Variants in SAMD4B observed in about 807,000 individuals in gnomAD.
SAMD4B encodes the protein sterile alpha motif domain containing 4B.
In SAMD4B, 5 loss-of-function variants were observed where a neutral mutation model predicts 74.5. The ratio of observed to expected loss-of-function variants is 0.07; its 90% CI spans 0.04 to 0.14. The LOEUF is 0.14. Among genes scored for constraint, SAMD4B ranks in the 10% least tolerant of loss-of-function variants. The pLI, the probability that SAMD4B is intolerant of heterozygous loss-of-function variation, is 1.00. For synonymous variants in SAMD4B, 373 were observed against 374.9 expected (o/e 1.00, Z 0.06); for missense variants, 608 against 921.8 (o/e 0.66, Z 4.41).
chr19:39,387,568 G>A (rs1300940366), downstream of SAMD4B, among the ~76,000 whole-genome samples: 1 of 152,148 alleles, frequency 6.6e-6, no homozygotes, highest in African/African-American at 2.4e-5. Context: ...CCTGGCCTAT[G>A]GGGTCACAGT....
chr19:39,362,274 C>T (rs2076701515), intron 3 of SAMD4B, among the ~76,000 whole-genome samples: 1 of 152,170 alleles, frequency 6.6e-6, no homozygotes, highest in Admixed American at 6.5e-5. Flanking sequence ...CTTGGGTGCA[C>T]CCAGTGGAGA....
At chr19:39,371,793 G>A (rs1392733382) in intron 4 of SAMD4B, among the ~76,000 whole-genome samples, 1 of 150,826 alleles carries the variant, frequency 6.6e-6, no homozygotes, top group East Asian at 1.9e-4. Context: ...TTCCAGCCAG[G>A]GCAACAGAGC....
chr19:39,363,270 C>G (rs992360677), intron 3 of SAMD4B, among the ~76,000 whole-genome samples: 9 of 152,258 alleles, frequency 5.9e-5, no homozygotes, highest in Admixed American at 5.9e-4. Context: ...TTGCAGAGTC[C>G]AAGTTTGCAG....
intron 12 of SAMD4B, among the ~76,000 whole-genome samples, chr19:39,382,865 C>A (rs1235590005): frequency 6.6e-6 from 1 of 152,140 alleles, no homozygotes. Context: ...GGGGGCTGCC[C>A]AGTGTCCAGG....
chr19:39,372,167 G>A (rs2077346209), intron 4 of SAMD4B, among the ~76,000 whole-genome samples: 1 of 152,198 alleles, frequency 6.6e-6, no homozygotes, highest in Non-Finnish European at 1.5e-5. Flanking sequence ...CCAAGTAGAA[G>A]GCACAGCATG....
At chr19:39,363,523 C>G (rs2076775320) in intron 3 of SAMD4B, among the ~76,000 whole-genome samples, 1 of 152,194 alleles carries the variant, frequency 6.6e-6, no homozygotes, top group African/African-American at 2.4e-5. Context: ...GCTCTAGATT[C>G]AACGAGGAGC....
intron 2 of SAMD4B, among the ~76,000 whole-genome samples, 158 bp from the exon 3 acceptor site, chr19:39,356,531 T>G (rs1037295765): frequency 6.6e-6 from 1 of 152,168 alleles, no homozygotes; most frequent in African/African-American, 2.4e-5. Context: ...TGAAAGTAGC[T>G]TTAATATCTG....
chr19:39,374,462 C>T (rs1030785181), intron 4 of SAMD4B, among the ~76,000 whole-genome samples: 1 of 152,220 alleles, frequency 6.6e-6, no homozygotes, highest in African/African-American at 2.4e-5. Flanking sequence ...AGCTTACGTA[C>T]TTCATTCATT....
chr19:39,390,134 G>A, downstream of SAMD4B: 2 of 1,614,098 alleles, frequency 1.2e-6, no homozygotes, highest in Non-Finnish European at 1.7e-6. Flanking sequence ...GGCTATTGCA[G>A]TACTTGACTC....
At chr19:39,380,315 G>T (rs2077884602) in intron 10 of SAMD4B, among the ~76,000 whole-genome samples, 1 of 152,194 alleles carries the variant, frequency 6.6e-6, no homozygotes, top group Non-Finnish European at 1.5e-5. Context: ...GTATGCAGAG[G>T]GCCTGGAAGT....
At chr19:39,363,380 C>T (rs897305475) in intron 3 of SAMD4B, among the ~76,000 whole-genome samples, 4 of 152,102 alleles carry the variant, frequency 2.6e-5, no homozygotes, top group African/African-American at 9.7e-5. Context: ...CTTCTAGCTC[C>T]AAGGAATCAG....
intron 2 of SAMD4B, among the ~76,000 whole-genome samples, chr19:39,355,344 C>G (rs1475227803): frequency 6.6e-6 from 1 of 152,168 alleles, no homozygotes; most frequent in Non-Finnish European, 1.5e-5. Flanking sequence ...GATTGGCAAC[C>G]AGGCCAGTTC....
At chr19:39,351,217 C>G (rs1278185580) in intron 1 of SAMD4B, 2 of 152,318 alleles carry the variant, frequency 1.3e-5, no homozygotes, top group Non-Finnish European at 2.9e-5. Flanking sequence ...CTCCTGAGCT[C>G]AAGCGATCCA....
At chr19:39,388,600 G>T, downstream of SAMD4B, 1 of 1,614,004 alleles carries the variant, frequency 6.2e-7, no homozygotes, top group African/African-American at 1.3e-5. Context: ...TCCTGGTCCC[G>T]CTTTCGTTTC....
chr19:39,378,220 C>T lies in SAMD4B; in HGVS notation c.1445-284C>T, dbSNP rs2077720363. 6.6e-6 allele frequency among the ~76,000 whole-genome samples: 1 copy of T among 152,172 alleles called. No individual in the cohort carries two copies. Among genetic ancestry groups the T allele is most frequent in the South Asian group, 2.1e-4 (1 of 4,830 alleles). ...AAGCAGCATGATACAGCAGACTTTACACTTGGATCCAGATCAGTCTAGATC... is the reference window on the plus strand; with the variant it reads ...AAGCAGCATGATACAGCAGACTTTATACTTGGATCCAGATCAGTCTAGATC... On this transcript the variant is annotated intron_variant, in intron 8 of 13. Transcript: ENST00000610417. This position sits in a 1 kb window ranked among gnomAD's most constrained non-coding sequence, Gnocchi z 4.4.
rs931375825 is a variant in SAMD4B, at chr19:39,385,300, A to G, written c.*1773A>G. 5.3e-5 allele frequency: 20 copies of G among 375,510 alleles called. No homozygotes were observed. Among genetic ancestry groups the G allele is most frequent in the Middle Eastern group, 6.7e-4 (1 of 1,496 alleles). The allele number at this position is 375,510 out of a possible 1,614,324, so 23.3% of individuals were successfully genotyped here. ...TTGGAATCAGCAGGGTGTCCCTCTC[A>G]TGGGACCCTCCCCTCTCCCCAGCCT... On this transcript the variant is annotated 3_prime_UTR_variant, in exon 14 of 14. Transcript: ENST00000610417.
At chr19:39,372,611 G>A (rs902531651) in intron 4 of SAMD4B, among the ~76,000 whole-genome samples, 2 of 152,152 alleles carry the variant, frequency 1.3e-5, no homozygotes, top group Admixed American at 1.3e-4. Context: ...CAAGGCCCTG[G>A]ATCTCTGGCC....
chr19:39,369,206 G>A (rs1432988340), intron 3 of SAMD4B: 1 of 164,462 alleles, frequency 6.1e-6, no homozygotes, highest in African/African-American at 2.4e-5. Context: ...TGAGGCAAGA[G>A]GATTGCCTGA....
Position 39,375,580 on chromosome 19 carries a change from C to T in SAMD4B, c.668-70C>T. 1.9e-6 allele frequency: 3 copies of T among 1,553,970 alleles called. No homozygotes were observed. Among genetic ancestry groups the T allele is most frequent in the South Asian group, 1.2e-5 (1 of 83,728 alleles). ...GGCCAAACTGCCATCCTGGCACTGA[C>T]GGCAGGGGGATGGTCTCCTGTGGTT... On this transcript the variant is annotated intron_variant, in intron 4 of 13. Transcript: ENST00000610417. This position sits in a 1 kb window ranked among gnomAD's most constrained non-coding sequence, Gnocchi z 4.1.
Sources: gnomAD v4.1 joint callset for allele counts (sites outside exome capture counted in the v4.1 genomes callset) on GRCh38, gnomAD v4.1.1 for gene constraint, Gnocchi (gnomAD v3.1) non-coding constraint, MANE v1.5 for transcripts, NCBI Gene and HGNC (gene_info 2026-07-23, HGNC 2026-07-21) for gene names.